The following GPN1 variants were observed in gnomAD, a reference collection of about 807,000 sequenced individuals.
GPN1 encodes GPN-loop GTPase 1.
In GPN1, 44 loss-of-function variants were observed where a neutral mutation model predicts 55.9. The observed-to-expected ratio is 0.79, with a 90% CI of 0.62 to 1.01. The LOEUF (loss-of-function observed/expected upper bound fraction) is 1.01, where lower values mean the gene tolerates loss of function less well. GPN1 is among the 50% of genes least tolerant of loss of function. The pLI is 0.00. For synonymous variants in GPN1, 179 were observed against 162.5 expected, an observed-to-expected ratio of 1.10 and a Z score of -0.77; for missense variants, 466 against 462.8, an observed-to-expected ratio of 1.01 and a Z score of -0.06.
chr2:27,633,030 G>T lies in GPN1; in HGVS notation c.350+360G>T, dbSNP rs190264578. On this transcript the variant is annotated intron_variant, in intron 5 of 13. Coordinates refer to ENST00000610189, the MANE Select transcript of GPN1 (RefSeq NM_007266.4). The stretch of plus-strand genomic sequence containing the variant: ...ATGAATATAGTCTACATGGTTCAGA[G>T]AAAATTTTTTAATTTACAGAGTGTC... 1.3e-3 allele frequency among the ~76,000 whole-genome samples: 200 copies of T among 152,260 alleles called. 2 individuals are homozygous for T. Among genetic ancestry groups the T allele is most frequent in the African/African-American group, 4.6e-3 (190 of 41,544 alleles).
intron 2 of GPN1, among the ~76,000 whole-genome samples, chr2:27,630,302 G>C (rs1203991392): frequency 1.3e-5 from 2 of 150,812 alleles, no homozygotes; most frequent in East Asian, 1.9e-4. Flanking sequence ...CAGCCTGCCA[G>C]TCTTCAGTGC....
chr2:27,638,998 C>G lies in GPN1; in HGVS notation c.684C>G (p.Ser228Arg). 6.2e-7 allele frequency: 1 copy of G among 1,612,550 alleles called. No homozygotes were observed. Among genetic ancestry groups the G allele is most frequent in the Non-Finnish European group, 8.5e-7 (1 of 1,179,004 alleles). ...TCAGTAACCTGACTCGTTCAATGAG[C>G]CTGGTGTTAGATGAGTTTTACAGCT... The part of the protein sequence containing the change: ...TYVSNLTRSM[S>R]LVLDEFYSSL... The change falls in exon 9 of 14, where the codon AGC becomes AGG. Residue 228 changes from serine to arginine, a missense_variant. By Grantham distance (110) the Ser-to-Arg change is moderately radical. Transcript: ENST00000610189.
intron 5 of GPN1, 80 bp from the exon 6 acceptor site, chr2:27,634,766 A>T: frequency 1.2e-6 from 1 of 851,726 alleles, no homozygotes; most frequent in East Asian, 2.4e-5. Flanking sequence ...GGATAACCAG[A>T]TGTTTATTGT....
intron 1 of GPN1, chr2:27,629,449 T>TA (rs763648063): frequency 6.6e-7 from 1 of 1,521,336 alleles, no homozygotes; most frequent in Non-Finnish European, 8.9e-7. Flanking sequence ...GGAGGCAAGT[T>TA]ACAAGTAACT....
chr2:27,632,338 G>A (rs1391346492), intron 4 of GPN1, among the ~76,000 whole-genome samples: 2 of 152,210 alleles, frequency 1.3e-5, no homozygotes, highest in Non-Finnish European at 2.9e-5. Context: ...GTTAGGCCAT[G>A]AGACAGGCTG....
At chr2:27,641,301 A>G (rs374626660) in intron 11 of GPN1, 22 bp downstream of exon 11, 11 of 1,575,310 alleles carry the variant, frequency 7.0e-6, no homozygotes, top group Non-Finnish European at 8.7e-6. Context: ...GGCTGTTTGT[A>G]TATTTTAAAA....
At position 27,647,910 on chromosome 2, in the gene GPN1, G is replaced by A; in HGVS notation, c.1006G>A (p.Ala336Thr). The change falls in exon 13 of 14, where the codon GCA becomes ACA. Residue 336 changes from alanine to threonine, a missense_variant. Physicochemically the swap from Ala to Thr is moderately conservative, Grantham distance 58. Transcript: ENST00000610189. ...AACCTTGGATGAAGAGGATGAGGAA[G>A]CAGACAGCGATACTGATGACATTGA... ...RGTLDEEDEEADSDTDDIDHR... is the reference protein window; with the variant it reads ...RGTLDEEDEETDSDTDDIDHR... The A allele has an allele frequency of 6.2e-7, 1 of 1,612,850 alleles. No homozygotes were observed. Among genetic ancestry groups the A allele is most frequent in the Non-Finnish European group, 8.5e-7 (1 of 1,178,824 alleles).
chr2:27,635,950 C>G (rs1673717002), intron 7 of GPN1, among the ~76,000 whole-genome samples: 3 of 152,280 alleles, frequency 2.0e-5, no homozygotes, highest in South Asian at 4.2e-4. Flanking sequence ...CATGGTGGCT[C>G]ATGCCTATAA....
upstream of GPN1, chr2:27,628,678 G>C (rs1218991788): frequency 4.5e-6 from 7 of 1,551,480 alleles, no homozygotes; most frequent in East Asian, 2.4e-5. Flanking sequence ...TCCTCCAGTG[G>C]CTCCGCTCCC....
At chr2:27,646,281 A>T (rs1674226174) in intron 12 of GPN1, among the ~76,000 whole-genome samples, 1 of 152,112 alleles carries the variant, frequency 6.6e-6, no homozygotes. Context: ...ACCTCAGGTG[A>T]TCTGCCCATT....
At chr2:27,641,448 A>G (rs1673946447) in intron 11 of GPN1, among the ~76,000 whole-genome samples, 169 bp downstream of exon 11, 1 of 152,138 alleles carries the variant, frequency 6.6e-6, no homozygotes, top group African/African-American at 2.4e-5. Context: ...ATTTCAGTGT[A>G]TCTTCTAAAT....
intron 9 of GPN1, 144 bp from the exon 10 acceptor site, chr2:27,639,899 C>G: frequency 1.5e-6 from 1 of 681,326 alleles, no homozygotes; most frequent in Non-Finnish European, 2.6e-6. Context: ...CTGTTTTGTT[C>G]TTTTTTAGCC....
chr2:27,636,870 G>A (rs2148069455), intron 7 of GPN1, among the ~76,000 whole-genome samples: 1 of 152,074 alleles, frequency 6.6e-6, no homozygotes, highest in Non-Finnish European at 1.5e-5. Context: ...ATTTTTAGAG[G>A]TGGGGTCTCG....
At chr2:27,638,547 G>A (rs1295102797) in intron 8 of GPN1, among the ~76,000 whole-genome samples, 1 of 152,184 alleles carries the variant, frequency 6.6e-6, no homozygotes, top group Non-Finnish European at 1.5e-5. Flanking sequence ...TAGTCTACTG[G>A]AAGTGGCAAT....
chr2:27,638,421 A>G (rs1673815487), intron 8 of GPN1, among the ~76,000 whole-genome samples, 166 bp downstream of exon 8: 1 of 152,214 alleles, frequency 6.6e-6, no homozygotes, highest in African/African-American at 2.4e-5. Context: ...AAATTGAATG[A>G]GCAATTATTA....
upstream of GPN1, chr2:27,628,602 A>G (rs1314338092): frequency 4.5e-6 from 7 of 1,551,612 alleles, no homozygotes; most frequent in Non-Finnish European, 6.1e-6. Context: ...ACCCTGCTCC[A>G]GTCCCGGCTG....
chr2:27,629,367 AC>A, intron 1 of GPN1, 198 bp downstream of exon 1: 1 of 1,549,000 alleles, frequency 6.5e-7, no homozygotes, highest in Non-Finnish European at 8.7e-7. Context: ...TCTTCTGCGC[AC>A]CTTCAGGGCA....
chr2:27,634,227 C>T (rs572964427), intron 5 of GPN1, among the ~76,000 whole-genome samples: 1 of 152,022 alleles, frequency 6.6e-6, no homozygotes, highest in South Asian at 2.1e-4. Flanking sequence ...TATTAGAATT[C>T]TTTGCCAATT....
rs577789880 is a variant in GPN1, at chr2:27,634,506, C to G, written c.351-340C>G. On this transcript the variant is annotated intron_variant, in intron 5 of 13. Coordinates refer to ENST00000610189, the MANE Select transcript of GPN1 (RefSeq NM_007266.4). ...CCCATTCTTCTTCCTCTGTTCCACA[C>G]TCACCCCCGCCCTAAGCAACCAGAT... Among the ~76,000 whole-genome samples, 9 of 152,312 alleles carry G rather than the reference C, an allele frequency of 5.9e-5. No homozygotes were observed. The South Asian group carries it at 1.9e-3, about 32-fold the overall frequency.
Sources: allele counts gnomAD v4.1 joint callset (sites outside exome capture counted in the v4.1 genomes callset), GRCh38; gene constraint gnomAD v4.1.1; transcripts MANE v1.5; gene names NCBI Gene and HGNC (gene_info 2026-07-23, HGNC 2026-07-21).